Variants in NDE1 observed in about 807,000 individuals in gnomAD.
The protein encoded by NDE1 is nudE neurodevelopment protein 1, also known as nuclear distribution protein nudE homolog 1.
Under a neutral mutation model 43.4 loss-of-function variants are expected in NDE1, and 28 were observed. That is an observed-to-expected ratio of 0.65 (90% CI 0.48 to 0.89). NDE1 has a LOEUF of 0.89. Ranked by LOEUF, NDE1 falls within the 40% of genes least tolerant of loss-of-function variation. The pLI, the probability that NDE1 is intolerant of heterozygous loss-of-function variation, is 0.00. For missense variants in NDE1, 441 were observed against 434.1 expected (o/e 1.02, Z -0.14); for synonymous variants, 184 against 172.0 (o/e 1.07, Z -0.55).
At chr16:15,668,464 T>A (rs2037426650) in intron 3 of NDE1, among the ~76,000 whole-genome samples, 1 of 152,170 alleles carries the variant, frequency 6.6e-6, no homozygotes, top group Non-Finnish European at 1.5e-5. Flanking sequence ...AGGGTTTCGC[T>A]GTGTTGCCCA....
At chr16:15,711,313 A>T (rs945378182) in intron 8 of NDE1, 1 of 152,122 alleles carries the variant, frequency 6.6e-6, no homozygotes, top group Non-Finnish European at 1.5e-5. Context: ...AACTCTTTTT[A>T]AACAAGTCTA....
chr16:15,712,680 C>T (rs2039870875), intron 8 of NDE1, among the ~76,000 whole-genome samples: 2 of 151,950 alleles, frequency 1.3e-5, no homozygotes, highest in African/African-American at 4.8e-5. Context: ...GGAAGAGGGA[C>T]AACCCCACAG....
chr16:15,688,084 G>A (rs2038531145), intron 5 of NDE1, among the ~76,000 whole-genome samples: 1 of 152,222 alleles, frequency 6.6e-6, no homozygotes, highest in Non-Finnish European at 1.5e-5. Flanking sequence ...GCCAAGGTGG[G>A]ATGATTGCTT....
intron 8 of NDE1, chr16:15,720,383 C>T: frequency 1.3e-6 from 2 of 1,545,504 alleles, no homozygotes; most frequent in South Asian, 1.2e-5. Context: ...CTAGGCAGCA[C>T]ATCACTGCAC....
chr16:15,701,296 C>T (rs1269377174), intron 8 of NDE1: 2 of 151,702 alleles, frequency 1.3e-5, no homozygotes, highest in Non-Finnish European at 2.9e-5. Context: ...CTTAGCTTCT[C>T]ATTGAGATTC....
chr16:15,659,344 T>C (rs565912982), intron 1 of NDE1, among the ~76,000 whole-genome samples: 1 of 152,068 alleles, frequency 6.6e-6, no homozygotes, highest in African/African-American at 2.4e-5. Flanking sequence ...AAAGTGATGG[T>C]TTTTGCTCAT....
intron 8 of NDE1, chr16:15,717,311 C>T: frequency 1.2e-6 from 2 of 1,611,692 alleles, no homozygotes; most frequent in Non-Finnish European, 1.7e-6. Context: ...CTGGGCCGTG[C>T]TGCGCTCTGT....
chr16:15,663,241 CTT>C (rs35559905), intron 1 of NDE1, among the ~76,000 whole-genome samples: 18 of 140,418 alleles, frequency 1.3e-4, no homozygotes, highest in Admixed American at 1.4e-4. Flanking sequence ...CTTTCATATT[CTT>C]TTTTTTTTTT....
At chr16:15,690,359 T>TTTTTTTC in intron 5 of NDE1, among the ~76,000 whole-genome samples, 1 of 99,430 alleles carries the variant, frequency 1.0e-5, no homozygotes, top group Non-Finnish European at 1.9e-5. Flanking sequence ...TTTTCTTTTT[T>TTTTTTTC]TTTTTTTTTT....
chr16:15,674,534 TCACTGCTCCCGGC>T (rs1403151031), intron 3 of NDE1, among the ~76,000 whole-genome samples: 1 of 152,042 alleles, frequency 6.6e-6, no homozygotes, highest in African/African-American at 2.4e-5. Flanking sequence ...CAGGTGTGGG[TCACTGCTCCCGGC>T]CTGTCTTTGT....
chr16:15,694,328 A>G lies in NDE1; in HGVS notation c.795+72A>G, dbSNP rs539312045. 65 of 1,579,174 alleles carry G rather than the reference A, an allele frequency of 4.1e-5. No homozygotes were observed. In the African/African-American group the frequency reaches 7.3e-4, roughly 18 times the overall value. ...CAGGATGTGTGAAGGGGGTTGATCT[A>G]GTTCCTTCCCTCTCTTCTTTTTTTC... On this transcript the variant is annotated intron_variant, in intron 7 of 8. Transcript: ENST00000396354.
At chr16:15,680,297 G>T (rs1342072848) in intron 4 of NDE1, among the ~76,000 whole-genome samples, 3 of 152,060 alleles carry the variant, frequency 2.0e-5, no homozygotes, top group African/African-American at 4.8e-5. Context: ...AGAATGTGGG[G>T]GGGCCCACGG....
In NDE1 at chr16:15,715,191, G is replaced by C. The variant is rs542765381; in HGVS notation, c.948-9000G>C. 89 of 1,613,996 alleles carry C rather than the reference G, an allele frequency of 5.5e-5. 2 individuals carry two copies. In the South Asian group the frequency reaches 8.5e-4, roughly 15 times the overall value. On this transcript the variant is annotated intron_variant, in intron 8 of 8. Transcript: ENST00000396354. Reference sequence around the variant, plus strand: ...GCTCCTTGTACTGCTCGGCCATCTTGCGCTCGTCCTCCACCTGCAGCAAGA... The same window carrying C: ...GCTCCTTGTACTGCTCGGCCATCTTCCGCTCGTCCTCCACCTGCAGCAAGA...
intron 8 of NDE1, among the ~76,000 whole-genome samples, chr16:15,708,088 C>T (rs756861710): frequency 3.3e-5 from 5 of 152,056 alleles, no homozygotes; most frequent in East Asian, 1.9e-4. Context: ...TGTACATGCC[C>T]GTGAAGCCTC....
At chr16:15,699,677 C>G (rs1307494991) in intron 8 of NDE1, 1 of 1,325,008 alleles carries the variant, frequency 7.5e-7, no homozygotes, top group African/African-American at 1.5e-5. Context: ...CCGGTGCTAG[C>G]CAGTTTGTCA....
chr16:15,707,743 G>A (rs534542370), intron 8 of NDE1, among the ~76,000 whole-genome samples: 11 of 152,262 alleles, frequency 7.2e-5, no homozygotes, highest in Middle Eastern at 3.4e-3. Flanking sequence ...AGGCCAAGGC[G>A]CGCGGATCAC....
In NDE1 at chr16:15,715,016, G is replaced by A. The variant is rs1382247634; in HGVS notation, c.948-9175G>A. 2 of 1,613,780 alleles carry A rather than the reference G, an allele frequency of 1.2e-6. No individual in the cohort carries two copies. Among genetic ancestry groups the A allele is most frequent in the African/African-American group, 1.3e-5 (1 of 74,908 alleles). On this transcript the variant is annotated intron_variant, in intron 8 of 8. Transcript: ENST00000396354. ...TCCTGCGGTTGGCGTTGATGCGCTG[G>A]GACTCCTCCTCTGCCTCCTCCAGCT...
chr16:15,720,312 G>A (rs1567693868), intron 8 of NDE1: 1 of 1,613,670 alleles, frequency 6.2e-7, no homozygotes, highest in South Asian at 1.1e-5. Flanking sequence ...TACTCGTGAA[G>A]CTGGGCGAGG....
In NDE1 at chr16:15,707,625, G is replaced by T. The variant is rs140904388; in HGVS notation, c.947+10765G>T. Among the ~76,000 whole-genome samples, 647 of 152,304 alleles carry T rather than the reference G, an allele frequency of 4.2e-3. 1 individual carries two copies. Among genetic ancestry groups the T allele is most frequent in the African/African-American group, 0.013 (546 of 41,564 alleles). ...GCTGAGATTCTCCAAAAATGAAGAT[G>T]GACACAAATGAGGGTTGGTTTGGCC... On this transcript the variant is annotated intron_variant, in intron 8 of 8. Transcript: ENST00000396354.
Sources: allele counts gnomAD v4.1 joint callset (sites outside exome capture counted in the v4.1 genomes callset), GRCh38; gene constraint gnomAD v4.1.1; transcripts MANE v1.5; gene names NCBI Gene and HGNC (gene_info 2026-07-23, HGNC 2026-07-21).